The following VCL variants were observed in gnomAD, a reference collection of about 807,000 sequenced individuals.
VCL encodes the protein epididymis luminal protein 114.
A neutral mutation model predicts 125.7 loss-of-function variants in VCL; 47 were observed. The observed-to-expected ratio is 0.37, with a 90% CI of 0.30 to 0.48. The LOEUF is 0.48. Among genes scored for constraint, VCL ranks in the 20% least tolerant of loss-of-function variants. The pLI is 0.99. For missense variants in VCL, 1,069 were observed against 1,455.5 expected, an observed-to-expected ratio of 0.73 and a Z score of 4.32; for synonymous variants, 458 against 514.6, an observed-to-expected ratio of 0.89 and a Z score of 1.49.
intron 15 of VCL, among the ~76,000 whole-genome samples, chr10:74,104,276 T>C (rs1001796763): frequency 3.3e-5 from 5 of 152,230 alleles, no homozygotes; most frequent in African/African-American, 9.6e-5. Flanking sequence ...ATACAGTAAG[T>C]GTCCCTGTCA....
chr10:74,094,650 G>A (rs1341095542), intron 11 of VCL, among the ~76,000 whole-genome samples, 189 bp downstream of exon 11: 1 of 152,198 alleles, frequency 6.6e-6, no homozygotes, highest in Non-Finnish European at 1.5e-5. Context: ...ACCAGGCATG[G>A]TGGCTCATGT....
chr10:74,113,727 C>T (rs542049544), intron 19 of VCL, among the ~76,000 whole-genome samples: 5 of 152,224 alleles, frequency 3.3e-5, no homozygotes, highest in Admixed American at 6.5e-5. Flanking sequence ...CTGTATTTTT[C>T]CCCTCAGGCC....
chr10:74,061,451 A>G lies in VCL; in HGVS notation c.240-9219A>G, dbSNP rs566337244. On this transcript the variant is annotated intron_variant, in intron 2 of 21. Coordinates refer to ENST00000211998, the MANE Select transcript of VCL (RefSeq NM_014000.3). Reference sequence around the variant, plus strand: ...TCTTTTTCAGTTTCCTTTCTCCATAATGGTCATTCTTGTCATTTTTTTTCC... The same window carrying G: ...TCTTTTTCAGTTTCCTTTCTCCATAGTGGTCATTCTTGTCATTTTTTTTCC... Among the ~76,000 whole-genome samples, 45 of 152,210 alleles carry G rather than the reference A, an allele frequency of 3.0e-4. No individual in the cohort carries two copies. The South Asian group carries it at 9.1e-3, about 31-fold the overall frequency.
At chr10:74,060,655 C>CAAAAAAA (rs11398822) in intron 2 of VCL, among the ~76,000 whole-genome samples, 11 of 108,604 alleles carry the variant, frequency 1.0e-4, no homozygotes, top group Admixed American at 2.0e-4. Flanking sequence ...GACTCTGTCT[C>CAAAAAAA]AAAAAAAAAA....
chr10:74,001,023 A>T (rs758683916), intron 1 of VCL, among the ~76,000 whole-genome samples: 1 of 152,304 alleles, frequency 6.6e-6, no homozygotes, highest in Middle Eastern at 3.4e-3. Context: ...GCAGCTCAGG[A>T]GACAAGTTGG....
chr10:74,050,459 G>A (rs1027532222), intron 2 of VCL, among the ~76,000 whole-genome samples: 6 of 152,136 alleles, frequency 3.9e-5, no homozygotes, highest in African/African-American at 1.4e-4. Flanking sequence ...CATGCACAAA[G>A]AAGAAATTTG....
At chr10:74,016,762 A>G (rs951224711) in intron 1 of VCL, 2 of 152,142 alleles carry the variant, frequency 1.3e-5, no homozygotes, top group African/African-American at 4.8e-5. Flanking sequence ...TTGTGCAACC[A>G]TTACCATCAC....
chr10:74,072,486 T>C (rs982143008), intron 4 of VCL, among the ~76,000 whole-genome samples: 3 of 152,174 alleles, frequency 2.0e-5, no homozygotes, highest in African/African-American at 7.2e-5. Context: ...TGTTTAATAT[T>C]TGTGAATATA....
intron 8 of VCL, among the ~76,000 whole-genome samples, chr10:74,087,010 C>CT (rs1200533871): frequency 2.0e-5 from 3 of 151,850 alleles, no homozygotes; most frequent in Non-Finnish European, 4.4e-5. Context: ...CAGTTGGACT[C>CT]TTTTTTAAAA....
At chr10:74,083,638 G>A in intron 8 of VCL, 125 bp downstream of exon 8, 1 of 1,189,302 alleles carries the variant, frequency 8.4e-7, no homozygotes, top group Non-Finnish European at 1.2e-6. Flanking sequence ...AGATATTATA[G>A]TCTATTAAAT....
rs376921881 is a variant in VCL at position 74,071,041 on chromosome 10, A to C, written c.457A>C (p.Thr153Pro). 3 of 1,614,030 alleles carry C rather than the reference A, an allele frequency of 1.9e-6. No homozygotes were observed. The African/African-American group carries it at 4.0e-5, about 22-fold the overall frequency. ...EYLTVAEVVE[T>P]MEDLVTYTKN... ...TCTTACAGTGGCAGAGGTGGTGGAG[A>C]CTATGGAAGATTTGGTCACTTACAC... The change falls in exon 4 of 22, where the codon ACT becomes CCT. Residue 153 changes from threonine (T) to proline (P), a missense_variant. Physicochemically the swap from Thr to Pro is conservative, Grantham distance 38 (BLOSUM62 -1). Transcript: ENST00000211998. This position sits in a 1 kb window ranked among gnomAD's most constrained non-coding sequence, Gnocchi z 4.1.
intron 11 of VCL, 71 bp from the exon 12 acceptor site, chr10:74,095,585 C>T (rs547042916): frequency 3.1e-5 from 49 of 1,594,816 alleles, no homozygotes; most frequent in Admixed American, 1.3e-4. Flanking sequence ...GACGCCACAT[C>T]GCACCACAGA....
rs1325002119 is a variant in VCL at position 74,094,412 on chromosome 10, G to A, written c.1494G>A (p.Glu498=). ...CTGTACACCTTGAGGGCAAGATTGA[G>A]CAAGCACAGCGGTGGATTGATAATC... is the stretch of plus-strand genomic sequence containing the variant. ...KAAVHLEGKI[E]QAQRWIDNPT... The change falls in exon 11 of 22, where the codon GAG becomes GAA. Residue 498 remains glutamate, a synonymous_variant. Transcript: ENST00000211998. The A allele has an allele frequency of 1.9e-6, 3 of 1,614,166 alleles. No homozygotes were observed. Among genetic ancestry groups the A allele is most frequent in the African/African-American group, 2.7e-5 (2 of 75,058 alleles).
intron 1 of VCL, among the ~76,000 whole-genome samples, chr10:74,035,036 A>C (rs1840945401): frequency 6.6e-6 from 1 of 152,234 alleles, no homozygotes; most frequent in Non-Finnish European, 1.5e-5. Context: ...TCAGTTGGTC[A>C]CAACCTATTG....
At chr10:74,102,250 T>A (rs533282074) in intron 14 of VCL, among the ~76,000 whole-genome samples, 94 of 151,578 alleles carry the variant, frequency 6.2e-4, no homozygotes, top group African/African-American at 2.0e-3. Context: ...TTTTTTTTTT[T>A]AAATTGATCT....
At chr10:74,015,624 T>C (rs914998746) in intron 1 of VCL, among the ~76,000 whole-genome samples, 3 of 152,200 alleles carry the variant, frequency 2.0e-5, no homozygotes, top group Non-Finnish European at 4.4e-5. Flanking sequence ...GTTTCTAATA[T>C]GCCATTTAAT....
At chr10:74,103,997 C>T (rs565604337) in intron 15 of VCL, 69 bp downstream of exon 15, 12 of 1,459,454 alleles carry the variant, frequency 8.2e-6, no homozygotes, top group Non-Finnish European at 1.1e-5. Context: ...TGGAGCGGGA[C>T]TGGTTCTGTT....
chr10:74,096,218 C>T (rs555446984), intron 12 of VCL, among the ~76,000 whole-genome samples: 307 of 150,740 alleles, frequency 2.0e-3, no homozygotes, highest in Non-Finnish European at 2.2e-3. Context: ...CTCTGTGGGC[C>T]GGGCATGGTG....
intron 1 of VCL, among the ~76,000 whole-genome samples, chr10:74,000,346 C>T (rs1418787387): frequency 6.6e-6 from 1 of 151,330 alleles, no homozygotes; most frequent in Non-Finnish European, 1.5e-5. Flanking sequence ...TCACTGCAGC[C>T]TCCATCTCCT....
Sources: allele counts gnomAD v4.1 joint callset (sites outside exome capture counted in the v4.1 genomes callset), GRCh38; gene constraint gnomAD v4.1.1; non-coding constraint Gnocchi (gnomAD v3.1); transcripts MANE v1.5; gene names NCBI Gene and HGNC (gene_info 2026-07-23, HGNC 2026-07-21).